Variants in DNAH7 observed in about 807,000 individuals in gnomAD.
DNAH7 encodes dynein axonemal heavy chain 7, also known as axonemal beta dynein heavy chain 7.
In DNAH7, 397 loss-of-function variants were observed where a neutral mutation model predicts 444.6. That is an observed-to-expected ratio of 0.89 (90% CI 0.82 to 0.97). The LOEUF is 0.97. Among genes scored for constraint, DNAH7 ranks in the 50% least tolerant of loss-of-function variants. DNAH7 has a pLI of 0.00. For missense variants in DNAH7, 4,902 were observed against 4,800.8 expected (o/e 1.02, Z -0.62); for synonymous variants, 1,636 against 1,624.4 (o/e 1.01, Z -0.17).
chr2:195,970,817 T>G (rs1441228856), intron 16 of DNAH7, among the ~76,000 whole-genome samples: 2 of 152,218 alleles, frequency 1.3e-5, no homozygotes, highest in African/African-American at 4.8e-5. Flanking sequence ...TTTTATAGAT[T>G]ATCTAGGCTG....
At chr2:195,905,128 G>C (rs1686936059) in intron 27 of DNAH7, 2 of 152,248 alleles carry the variant, frequency 1.3e-5, no homozygotes, top group South Asian at 4.1e-4. Context: ...AAAGTCTGCA[G>C]AGGGCATTAA....
intron 31 of DNAH7, among the ~76,000 whole-genome samples, chr2:195,890,875 A>G (rs1030056877): frequency 6.6e-6 from 1 of 152,198 alleles, no homozygotes; most frequent in Non-Finnish European, 1.5e-5. Flanking sequence ...AATGTATGGT[A>G]GTCAGAAGAA....
At chr2:195,955,383 T>C (rs1444368951) in intron 19 of DNAH7, among the ~76,000 whole-genome samples, 3 of 152,184 alleles carry the variant, frequency 2.0e-5, no homozygotes, top group South Asian at 2.1e-4. Flanking sequence ...CATTGGTCTA[T>C]ATCTCTGTTT....
Position 195,811,292 on chromosome 2 carries a change from C to A in DNAH7, c.9762-1421G>T, listed in dbSNP as rs931442215. On this transcript the variant is annotated intron_variant, in intron 51 of 64. Transcript: ENST00000312428. Reference sequence around the variant, plus strand: ...CAGCCTAAGAAAATAATCAAAGATGCAGACACTTATATTTACTGCAGCATT... The same window carrying A: ...CAGCCTAAGAAAATAATCAAAGATGAAGACACTTATATTTACTGCAGCATT... 5.9e-5 allele frequency among the ~76,000 whole-genome samples: 9 copies of A among 152,286 alleles called. No homozygotes were observed. The East Asian group carries it at 1.7e-3, about 29-fold the overall frequency.
chr2:195,919,600 C>T (rs2125339469), intron 24 of DNAH7, among the ~76,000 whole-genome samples: 1 of 152,296 alleles, frequency 6.6e-6, no homozygotes, highest in South Asian at 2.1e-4. Context: ...CCACCTCATC[C>T]TCCCAAAGTG....
chr2:195,910,604 G>A (rs965003693), intron 24 of DNAH7, among the ~76,000 whole-genome samples: 2 of 152,090 alleles, frequency 1.3e-5, no homozygotes, highest in Admixed American at 6.6e-5. Flanking sequence ...ATGCAAAGCC[G>A]GAGAATTAGA....
At chr2:196,011,858 G>T (rs1477390240) in intron 10 of DNAH7, among the ~76,000 whole-genome samples, 1 of 152,148 alleles carries the variant, frequency 6.6e-6, no homozygotes, top group Non-Finnish European at 1.5e-5. Context: ...GTAGAACCCA[G>T]AAGTTATAGA....
intron 56 of DNAH7, among the ~76,000 whole-genome samples, chr2:195,795,138 T>C (rs1019688633): frequency 4.6e-5 from 7 of 152,200 alleles, no homozygotes; most frequent in Admixed American, 2.0e-4. Flanking sequence ...CCCAGCACTT[T>C]GGGAGGCCAA....
At chr2:195,819,921 T>A (rs778501439) in intron 49 of DNAH7, among the ~76,000 whole-genome samples, 45 of 152,152 alleles carry the variant, frequency 3.0e-4, no homozygotes, top group Non-Finnish European at 5.6e-4. Flanking sequence ...GTGGCCTGAG[T>A]ATTTGGAGTT....
rs750011188 is a variant in DNAH7 at position 195,886,127 on chromosome 2, G to A, written c.5538+14C>T. ...GTCTTTCTGTAGCAGGATACAGAAG[G>A]CAACGGACCTTACCTCAAGCAAAGA... On this transcript the variant is annotated intron_variant, in intron 34 of 64. Coordinates refer to ENST00000312428, the MANE Select transcript of DNAH7 (RefSeq NM_018897.3). 3 of 1,609,692 alleles carry A rather than the reference G, an allele frequency of 1.9e-6. No homozygotes were observed. The highest frequency in any genetic ancestry group is 2.5e-6 in the Non-Finnish European group (3 of 1,178,296).
In DNAH7 at chr2:195,916,471, C is replaced by T. The variant is rs916680744; in HGVS notation, c.3935+5617G>A. ...CCCCTGCCCCACCAGGAATGTCAGG[C>T]GACCGTCAGGTGATGGTCAGGCAGT... On this transcript the variant is annotated intron_variant, in intron 24 of 64. Transcript: ENST00000312428. 3.4e-4 allele frequency among the ~76,000 whole-genome samples: 40 copies of T among 116,510 alleles called. 1 individual carries two copies. The Admixed American group carries it at 4.2e-3, about 12-fold the overall frequency. 76.4% of individuals were successfully genotyped at this position (116,510 alleles called of 152,430 possible). A position where few individuals can be genotyped will look rare whatever the true frequency, so the allele number is the denominator to read the frequency against.
chr2:195,868,808 G>A (rs1260876785), intron 40 of DNAH7, among the ~76,000 whole-genome samples: 1 of 150,238 alleles, frequency 6.7e-6, no homozygotes, highest in Non-Finnish European at 1.5e-5. Context: ...CAGAGCCATG[G>A]AGAAGCCAAA....
intron 15 of DNAH7, 46 bp downstream of exon 15, chr2:195,984,586 T>A (rs754816752): frequency 6.5e-7 from 1 of 1,528,450 alleles, no homozygotes; most frequent in South Asian, 1.1e-5. Context: ...ATTGTGTCAA[T>A]AATTAATTGA....
chr2:195,759,939 A>G (rs528509037), intron 61 of DNAH7, among the ~76,000 whole-genome samples: 2 of 152,294 alleles, frequency 1.3e-5, no homozygotes, highest in South Asian at 4.1e-4. Flanking sequence ...CAGCCTCCCA[A>G]AGTGCTGGGA....
At chr2:195,747,144 C>A (rs1289611717) in intron 63 of DNAH7, among the ~76,000 whole-genome samples, 1 of 151,802 alleles carries the variant, frequency 6.6e-6, no homozygotes, top group African/African-American at 2.4e-5. Flanking sequence ...CAAATAGACG[C>A]AATAAAAAAT....
intron 61 of DNAH7, among the ~76,000 whole-genome samples, chr2:195,759,141 C>T (rs895592205): frequency 6.6e-6 from 1 of 152,158 alleles, no homozygotes; most frequent in Non-Finnish European, 1.5e-5. Context: ...TACTTCCTTA[C>T]TGCTTGAGGA....
At chr2:195,873,425 G>C (rs1008805658) in intron 39 of DNAH7, 143 bp downstream of exon 39, 5 of 481,032 alleles carry the variant, frequency 1.0e-5, no homozygotes, top group Non-Finnish European at 1.7e-5. Flanking sequence ...GAGGTGGCAG[G>C]AACAGAGGCA....
chr2:195,944,356 A>G (rs1689659690), intron 19 of DNAH7, among the ~76,000 whole-genome samples: 1 of 152,200 alleles, frequency 6.6e-6, no homozygotes, highest in African/African-American at 2.4e-5. Context: ...TAAAACAAGT[A>G]AACAGAACCA....
chr2:195,909,699 G>A lies in DNAH7; in HGVS notation c.4104+328C>T, dbSNP rs1250091276. 7.2e-5 allele frequency among the ~76,000 whole-genome samples: 11 copies of A among 152,238 alleles called. No homozygotes were observed. The East Asian group carries it at 2.1e-3, about 29-fold the overall frequency. On this transcript the variant is annotated intron_variant, in intron 25 of 64. Coordinates refer to ENST00000312428, the MANE Select transcript of DNAH7 (RefSeq NM_018897.3). ...AACTTCTCAATAACAAGATCTGTAG[G>A]TTAAAGATGTCTTTAGAATCCCACG...
Sources: allele counts gnomAD v4.1 joint callset (sites outside exome capture counted in the v4.1 genomes callset), GRCh38; gene constraint gnomAD v4.1.1; transcripts MANE v1.5; gene names NCBI Gene and HGNC (gene_info 2026-07-23, HGNC 2026-07-21).